The following FAM151B variants were observed in gnomAD, a reference collection of about 807,000 sequenced individuals.
The protein encoded by FAM151B is protein FAM151B.
FAM151B carries 24 observed loss-of-function variants against 31.2 expected under a neutral mutation model. The ratio of observed to expected loss-of-function variants is 0.77; its 90% CI spans 0.56 to 1.08. The LOEUF (loss-of-function observed/expected upper bound fraction) is 1.08, where lower values mean the gene tolerates loss of function less well. Ranked by LOEUF, FAM151B falls within the 50% of genes least tolerant of loss-of-function variation. The pLI is 0.00. For synonymous variants in FAM151B, 105 were observed against 111.4 expected (o/e 0.94, Z 0.36); for missense variants, 293 against 328.6 (o/e 0.89, Z 0.84).
intron 1 of FAM151B, among the ~76,000 whole-genome samples, chr5:80,496,550 A>T (rs1446600402): frequency 6.6e-6 from 1 of 152,192 alleles, no homozygotes; most frequent in African/African-American, 2.4e-5. Flanking sequence ...TCTCAGATGT[A>T]CACCTAGACA....
At chr5:80,531,455 CA>C (rs1235431475) in intron 5 of FAM151B, among the ~76,000 whole-genome samples, 1 of 152,152 alleles carries the variant, frequency 6.6e-6, no homozygotes, top group Non-Finnish European at 1.5e-5. Context: ...AGGCAACCTA[CA>C]GAATGGGAGA....
At chr5:80,494,460 C>CTTTTCTTTCT (rs56167626) in intron 1 of FAM151B, among the ~76,000 whole-genome samples, 150 of 70,942 alleles carry the variant, frequency 2.1e-3, no homozygotes, top group Middle Eastern at 7.1e-3. Context: ...TCTTTCTTTT[C>CTTTTCTTTCT]TTTCTTTCTT....
At chr5:80,531,026 T>C (rs965352934) in intron 5 of FAM151B, among the ~76,000 whole-genome samples, 9 of 152,124 alleles carry the variant, frequency 5.9e-5, no homozygotes, top group Admixed American at 2.0e-4. Flanking sequence ...ATAGTACTGG[T>C]ACCAAAACAG....
intron 5 of FAM151B, among the ~76,000 whole-genome samples, chr5:80,541,267 G>A (rs925267194): frequency 6.6e-6 from 1 of 152,158 alleles, no homozygotes; most frequent in African/African-American, 2.4e-5. Context: ...AGTGACATTT[G>A]TGTCTCTTCA....
chr5:80,509,021 C>T (rs921732020), intron 2 of FAM151B, among the ~76,000 whole-genome samples: 11 of 152,042 alleles, frequency 7.2e-5, no homozygotes, highest in African/African-American at 2.4e-4. Flanking sequence ...TCACCCAGGC[C>T]GTAGTGCAGT....
rs963036871 is a variant in FAM151B at position 80,519,919 on chromosome 5, T to G, written c.535+9T>G. On this transcript the variant is annotated intron_variant, in intron 4 of 5. Coordinates refer to ENST00000282226, the MANE Select transcript of FAM151B (RefSeq NM_205548.3). ...TGAGAAAGTCAATGAAGGTAATAAT[T>G]CTAATAATGTATTTCTTGGTCAAAT... 6.2e-7 allele frequency: 1 copy of G among 1,606,940 alleles called. No homozygotes were observed. The highest frequency in any genetic ancestry group is 8.5e-7 in the Non-Finnish European group (1 of 1,174,180).
intron 2 of FAM151B, among the ~76,000 whole-genome samples, chr5:80,510,456 G>A (rs1744138547): frequency 6.6e-6 from 1 of 152,192 alleles, no homozygotes; most frequent in African/African-American, 2.4e-5. Context: ...GCTAGGCCTA[G>A]AACTGACAGT....
intron 5 of FAM151B, among the ~76,000 whole-genome samples, chr5:80,536,029 C>T (rs757730293): frequency 2.0e-5 from 3 of 152,022 alleles, no homozygotes; most frequent in South Asian, 2.1e-4. Flanking sequence ...ATCAAAGCTA[C>T]GATGAGATAT....
At chr5:80,505,197 A>G (rs1487505897) in intron 2 of FAM151B, among the ~76,000 whole-genome samples, 2 of 151,908 alleles carry the variant, frequency 1.3e-5, no homozygotes, top group Admixed American at 6.6e-5. Flanking sequence ...CTTTATTTTT[A>G]TTTTTTGTAG....
At chr5:80,488,199 C>T in intron 1 of FAM151B, 51 bp downstream of exon 1, 1 of 1,518,734 alleles carries the variant, frequency 6.6e-7, no homozygotes, top group Non-Finnish European at 8.8e-7. Flanking sequence ...CTTTGAGAGG[C>T]TCCGCCGGCC....
At chr5:80,529,405 G>A (rs1215861237) in intron 5 of FAM151B, among the ~76,000 whole-genome samples, 7 of 152,062 alleles carry the variant, frequency 4.6e-5, no homozygotes, top group Middle Eastern at 3.2e-3. Context: ...AACTGAAGGA[G>A]ATAGAGACAC....
Position 80,490,109 on chromosome 5 carries a change from C to T in FAM151B, c.25+1961C>T, listed in dbSNP as rs75728556. Among the ~76,000 whole-genome samples the T allele has an allele frequency of 9.6e-3, 1,392 of 145,676 alleles. 25 individuals are homozygous for T. The highest frequency in any genetic ancestry group is 0.034 in the African/African-American group (1,358 of 39,494). The stretch of plus-strand genomic sequence containing the variant: ...TAGGATGTATAGTGAAAAGTTCCGT[C>T]CTGGCCGGGCGTGGTGGTTTACGCC... On this transcript the variant is annotated intron_variant, in intron 1 of 5. Transcript: ENST00000282226.
intron 5 of FAM151B, among the ~76,000 whole-genome samples, chr5:80,538,499 CTTTCTT>C (rs1462261338): frequency 4.4e-5 from 5 of 112,998 alleles, no homozygotes; most frequent in African/African-American, 1.5e-4. Context: ...TCCTTCCTTC[CTTTCTT>C]TTCTTTCTTT....
In FAM151B at chr5:80,488,144, C is replaced by T; in HGVS notation, c.21C>T (p.Gly7=). 1 of 1,543,068 alleles carries T rather than the reference C, an allele frequency of 6.5e-7. No individual in the cohort carries two copies. The highest frequency in any genetic ancestry group is 8.7e-7 in the Non-Finnish European group (1 of 1,147,090). The change falls in exon 1 of 6, where the codon GGC becomes GGT. Residue 7 remains glycine (G), a synonymous_variant. Coordinates refer to ENST00000282226, the MANE Select transcript of FAM151B (RefSeq NM_205548.3). Reference sequence around the variant, plus strand: ...TCACCATGGCAGCATCCGCTGGAGGCCCAGGTAAGCGCCGAGCGCGCGGCC... The same window carrying T: ...TCACCATGGCAGCATCCGCTGGAGGTCCAGGTAAGCGCCGAGCGCGCGGCC... MAASAG[G]PGSWSENILE...
chr5:80,488,704 A>G (rs1382569552), intron 1 of FAM151B, among the ~76,000 whole-genome samples: 2 of 152,228 alleles, frequency 1.3e-5, no homozygotes, highest in African/African-American at 2.4e-5. Context: ...GGCATGAGAC[A>G]ACGTCAGTGA....
chr5:80,506,071 A>G lies in FAM151B; in HGVS notation c.151+4154A>G, dbSNP rs537132519. ...ACGCCCGGCCAAGAACTTTACTTTT[A>G]TTAAGGTATCCATTTCTGCTCCATA... On this transcript the variant is annotated intron_variant, in intron 2 of 5. Transcript: ENST00000282226. 36 of 985,836 alleles carry G rather than the reference A, an allele frequency of 3.7e-5. No individual in the cohort carries two copies. In the African/African-American group the frequency reaches 5.8e-4, roughly 16 times the overall value. 61.1% of individuals were successfully genotyped at this position (985,836 alleles called of 1,614,324 possible).
At chr5:80,502,277 T>C (rs1252328874) in intron 2 of FAM151B, among the ~76,000 whole-genome samples, 1 of 152,156 alleles carries the variant, frequency 6.6e-6, no homozygotes, top group Non-Finnish European at 1.5e-5. Context: ...TTTCTTATTT[T>C]CTAGAAGCAA....
intron 3 of FAM151B, among the ~76,000 whole-genome samples, chr5:80,516,388 C>T (rs1415470116): frequency 6.6e-6 from 1 of 152,064 alleles, no homozygotes; most frequent in East Asian, 1.9e-4. Flanking sequence ...AGCGTTTTAG[C>T]TAAGAATTAT....
intron 4 of FAM151B, among the ~76,000 whole-genome samples, chr5:80,520,508 G>A (rs1402825775): frequency 3.3e-5 from 5 of 151,660 alleles, no homozygotes; most frequent in Admixed American, 3.3e-4. Context: ...AGCCAGGCAT[G>A]GTAGTGTGTG....
Sources: gnomAD v4.1 joint callset for allele counts (sites outside exome capture counted in the v4.1 genomes callset) on GRCh38, gnomAD v4.1.1 for gene constraint, MANE v1.5 for transcripts, NCBI Gene and HGNC (gene_info 2026-07-23, HGNC 2026-07-21) for gene names.